The following AP1S3 variants were observed in gnomAD, a reference collection of about 807,000 sequenced individuals.
AP1S3 encodes AP-1 complex subunit sigma-3.
Under a neutral mutation model 20.9 loss-of-function variants are expected in AP1S3, and 10 were observed. That is an observed-to-expected ratio of 0.48 (90% CI 0.29 to 0.81). The LOEUF is 0.81. AP1S3 is among the 30% of genes least tolerant of loss of function. The pLI is 0.08. For missense variants in AP1S3, 154 were observed against 183.8 expected, an observed-to-expected ratio of 0.84 and a Z score of 0.94; for synonymous variants, 41 against 61.5, an observed-to-expected ratio of 0.67 and a Z score of 1.56.
chr2:223,836,579 A>C (rs535125977), intron 1 of AP1S3, among the ~76,000 whole-genome samples: 2 of 152,300 alleles, frequency 1.3e-5, no homozygotes, highest in South Asian at 2.1e-4. Context: ...GTCTCTACTA[A>C]AAATACAAAA....
chr2:223,762,268 ATTTTTTT>A (rs57119521), intron 4 of AP1S3, among the ~76,000 whole-genome samples: 2 of 105,198 alleles, frequency 1.9e-5, no homozygotes, highest in East Asian at 2.7e-4. Context: ...GTGCCCAGCA[ATTTTTTT>A]TTTTTTTTTT....
chr2:223,801,391 T>C (rs561181246), intron 1 of AP1S3, among the ~76,000 whole-genome samples: 1 of 152,322 alleles, frequency 6.6e-6, no homozygotes, highest in African/African-American at 2.4e-5. Flanking sequence ...CTGGCACCAG[T>C]TAGACTGGCC....
At chr2:223,818,921 C>T (rs1460181576) in intron 1 of AP1S3, among the ~76,000 whole-genome samples, 1 of 152,172 alleles carries the variant, frequency 6.6e-6, no homozygotes, top group Non-Finnish European at 1.5e-5. Flanking sequence ...GATGACATCA[C>T]TTAATGATTA....
intron 1 of AP1S3, among the ~76,000 whole-genome samples, chr2:223,780,090 A>T: frequency 6.6e-6 from 1 of 151,584 alleles, no homozygotes; most frequent in Non-Finnish European, 1.5e-5. Flanking sequence ...CTTTTTACTC[A>T]GATCTTCCAC....
chr2:223,780,127 A>ACCAC (rs1453447606), intron 1 of AP1S3, among the ~76,000 whole-genome samples: 2 of 151,196 alleles, frequency 1.3e-5, no homozygotes, highest in African/African-American at 2.4e-5. Flanking sequence ...CTGCCTCACC[A>ACCAC]CCACCCCCTG....
chr2:223,772,126 A>G (rs1163316462), intron 3 of AP1S3, among the ~76,000 whole-genome samples: 2 of 152,224 alleles, frequency 1.3e-5, no homozygotes, highest in African/African-American at 4.8e-5. Context: ...AAATAAATAA[A>G]ATAAAACAAG....
intron 1 of AP1S3, among the ~76,000 whole-genome samples, chr2:223,819,578 C>T (rs1455046314): frequency 6.7e-6 from 1 of 149,248 alleles, no homozygotes; most frequent in Non-Finnish European, 1.5e-5. Context: ...TACAAAAATA[C>T]TGCTTCAAGA....
At chr2:223,789,761 C>G (rs1355116582) in intron 1 of AP1S3, among the ~76,000 whole-genome samples, 1 of 149,804 alleles carries the variant, frequency 6.7e-6, no homozygotes, top group African/African-American at 2.5e-5. Flanking sequence ...TCGCTTAAGC[C>G]CGGGAGGCAG....
At chr2:223,819,795 T>C (rs1193558617) in intron 1 of AP1S3, among the ~76,000 whole-genome samples, 1 of 152,144 alleles carries the variant, frequency 6.6e-6, no homozygotes, top group African/African-American at 2.4e-5. Flanking sequence ...AAACATTTGC[T>C]ATAAACACAG....
At chr2:223,778,698 C>CTTT (rs548128939) in intron 1 of AP1S3, among the ~76,000 whole-genome samples, 3 of 144,126 alleles carry the variant, frequency 2.1e-5, no homozygotes, top group East Asian at 2.0e-4. Flanking sequence ...TAAATGTAAG[C>CTTT]TTTTTTTTTT....
chr2:223,811,975 G>A (rs1691741459), intron 1 of AP1S3, among the ~76,000 whole-genome samples: 2 of 152,186 alleles, frequency 1.3e-5, no homozygotes, highest in African/African-American at 2.4e-5. Context: ...ATTAACGTGA[G>A]ATGATTCCCA....
chr2:223,771,198 A>G (rs1404762336), intron 3 of AP1S3, among the ~76,000 whole-genome samples: 1 of 151,844 alleles, frequency 6.6e-6, no homozygotes, highest in Admixed American at 6.6e-5. Context: ...TTAGCCAGGC[A>G]TGGTGGCACA....
intron 3 of AP1S3, chr2:223,770,231 G>A: frequency 6.4e-7 from 1 of 1,550,818 alleles, no homozygotes; most frequent in Non-Finnish European, 8.7e-7. Context: ...AGGAGTTATA[G>A]TAGCAAGCTG....
chr2:223,793,869 C>G (rs1691273800), intron 1 of AP1S3, among the ~76,000 whole-genome samples: 1 of 151,882 alleles, frequency 6.6e-6, no homozygotes, highest in South Asian at 2.1e-4. Flanking sequence ...GTCTCGAACT[C>G]CTGACCTCAG....
At chr2:223,789,611 G>A (rs962559857) in intron 1 of AP1S3, among the ~76,000 whole-genome samples, 1 of 151,312 alleles carries the variant, frequency 6.6e-6, no homozygotes, top group African/African-American at 2.4e-5. Context: ...AGGCCAAGGT[G>A]GGTGGATCAC....
intron 1 of AP1S3, among the ~76,000 whole-genome samples, chr2:223,778,287 G>A (rs577532087): frequency 2.6e-4 from 39 of 151,720 alleles, no homozygotes; most frequent in South Asian, 1.5e-3. Flanking sequence ...CTCCATGCCC[G>A]GCTAATTCTT....
intron 1 of AP1S3, among the ~76,000 whole-genome samples, chr2:223,802,130 G>C (rs1234659820): frequency 6.6e-6 from 1 of 152,110 alleles, no homozygotes; most frequent in Non-Finnish European, 1.5e-5. Flanking sequence ...GTTATTGAGA[G>C]GAGGAGCCAT....
intron 1 of AP1S3, among the ~76,000 whole-genome samples, chr2:223,829,408 C>T (rs1359386221): frequency 1.3e-5 from 2 of 152,046 alleles, no homozygotes; most frequent in Non-Finnish European, 2.9e-5. Context: ...GGGAGGATCA[C>T]CTGAGGTCAG....
chr2:223,780,341 A>AGTGT (rs1690906890), intron 1 of AP1S3, among the ~76,000 whole-genome samples: 2 of 121,788 alleles, frequency 1.6e-5, no homozygotes, highest in Non-Finnish European at 1.7e-5. Flanking sequence ...AGAGAGAGAG[A>AGTGT]GAGAGAGAGA....
Sources: allele counts gnomAD v4.1 joint callset (sites outside exome capture counted in the v4.1 genomes callset), GRCh38; gene constraint gnomAD v4.1.1; transcripts MANE v1.5; gene names NCBI Gene and HGNC (gene_info 2026-07-23, HGNC 2026-07-21).